AGBL4: variants seen among roughly 807,000 people sequenced by gnomAD.
AGBL4 encodes AGBL carboxypeptidase 4.
Under a neutral mutation model 66.4 loss-of-function variants are expected in AGBL4, and 58 were observed. The ratio of observed to expected loss-of-function variants is 0.87; its 90% confidence interval spans 0.71 to 1.09. AGBL4 has a LOEUF of 1.09. Ranked by LOEUF, AGBL4 falls within the 50% of genes least tolerant of loss-of-function variation. AGBL4 has a pLI of 0.00. For synonymous variants in AGBL4, 234 were observed against 222.9 expected (o/e 1.05, Z -0.44); for missense variants, 579 against 631.0 (o/e 0.92, Z 0.88).
At chr1:49,721,298 T>G (rs1272409092) in intron 2 of AGBL4, among the ~76,000 whole-genome samples, 1 of 152,150 alleles carries the variant, frequency 6.6e-6, no homozygotes, top group African/African-American at 2.4e-5. Flanking sequence ...GTGGAAGCTT[T>G]GTTGTTTCAC....
intron 3 of AGBL4, among the ~76,000 whole-genome samples, chr1:49,291,823 G>A (rs1242692957): frequency 6.6e-6 from 1 of 152,188 alleles, no homozygotes; most frequent in African/African-American, 2.4e-5. Context: ...GAGGGAGCCA[G>A]GGACAAGTGG....
At chr1:49,916,181 C>A (rs1389087042) in intron 1 of AGBL4, among the ~76,000 whole-genome samples, 1 of 152,190 alleles carries the variant, frequency 6.6e-6, no homozygotes, top group Non-Finnish European at 1.5e-5. Flanking sequence ...GAGCGCCCCT[C>A]CCCTTCAAAA....
In AGBL4 at chr1:50,002,283, T is replaced by C. The variant is rs537248905; in HGVS notation, c.34+21480A>G. 4.6e-5 allele frequency among the ~76,000 whole-genome samples: 7 copies of C among 151,090 alleles called. No individual in the cohort carries two copies. In the South Asian group the frequency reaches 1.5e-3, roughly 32 times the overall value. On this transcript the variant is annotated intron_variant, in intron 1 of 13. Transcript: ENST00000371839. ...CTTATATAGCCAGTTTGGGAAAAGATACAATACCCCAGTGTTAGCTGAGAA... is the reference window on the plus strand; with the variant it reads ...CTTATATAGCCAGTTTGGGAAAAGACACAATACCCCAGTGTTAGCTGAGAA...
chr1:49,447,372 T>C (rs1646182756), intron 3 of AGBL4, among the ~76,000 whole-genome samples: 1 of 152,166 alleles, frequency 6.6e-6, no homozygotes, highest in South Asian at 2.1e-4. Context: ...TAATACTCCC[T>C]GCATCAGCTC....
At chr1:49,089,166 A>AGAG (rs1644959023) in intron 4 of AGBL4, among the ~76,000 whole-genome samples, 1 of 151,468 alleles carries the variant, frequency 6.6e-6, no homozygotes, top group African/African-American at 2.4e-5. Context: ...ATCTCAAGTT[A>AGAG]ACCACCTAAT....
At position 49,771,224 on chromosome 1, in the gene AGBL4, T is replaced by C. The variant is rs529468348; in HGVS notation, c.158-73787A>G. The stretch of plus-strand genomic sequence containing the variant: ...TTCCATTCTTGTTTGTCTCAAGTAA[T>C]TTTTAATTTACATTTTAATTTATTC... On this transcript the variant is annotated intron_variant, in intron 2 of 13. Coordinates refer to ENST00000371839, the MANE Select transcript of AGBL4 (RefSeq NM_032785.4). Among the ~76,000 whole-genome samples, 6 of 152,278 alleles carry C rather than the reference T, an allele frequency of 3.9e-5. No individual in the cohort carries two copies. In the South Asian group the frequency reaches 1.2e-3, roughly 32 times the overall value.
chr1:49,403,405 CT>C (rs1005730499), intron 3 of AGBL4, among the ~76,000 whole-genome samples: 5 of 152,072 alleles, frequency 3.3e-5, no homozygotes, highest in African/African-American at 4.8e-5. Context: ...ATCATTGGGT[CT>C]TTTTTCAACT....
At chr1:49,948,307 AATATATATAT>A (rs1196467417) in intron 1 of AGBL4, among the ~76,000 whole-genome samples, 1 of 110,042 alleles carries the variant, frequency 9.1e-6, no homozygotes, top group Non-Finnish European at 1.7e-5. Flanking sequence ...AATATATATA[AATATATATAT>A]AAATATATAA....
intron 6 of AGBL4, among the ~76,000 whole-genome samples, chr1:48,714,296 G>A (rs1300870798): frequency 6.6e-6 from 1 of 152,042 alleles, no homozygotes; most frequent in African/African-American, 2.4e-5. Context: ...ATTTCTCCAT[G>A]GCCCCTCCAC....
intron 5 of AGBL4, among the ~76,000 whole-genome samples, chr1:48,881,017 T>C (rs1649731895): frequency 6.6e-6 from 1 of 152,222 alleles, no homozygotes; most frequent in South Asian, 2.1e-4. Flanking sequence ...TATTTTGTTA[T>C]TATAAATGAC....
intron 8 of AGBL4, among the ~76,000 whole-genome samples, chr1:48,635,048 C>T (rs1645647423): frequency 6.6e-6 from 1 of 152,160 alleles, no homozygotes; most frequent in South Asian, 2.1e-4. Flanking sequence ...ACCTTTTTAC[C>T]ACTTCCTCTG....
intron 2 of AGBL4, among the ~76,000 whole-genome samples, chr1:49,843,710 G>C (rs1646061719): frequency 6.6e-6 from 1 of 152,148 alleles, no homozygotes; most frequent in Admixed American, 6.5e-5. Flanking sequence ...AGGTTCTATG[G>C]TTAAGATGTG....
At chr1:49,349,508 A>C (rs1252283026) in intron 3 of AGBL4, among the ~76,000 whole-genome samples, 1 of 152,072 alleles carries the variant, frequency 6.6e-6, no homozygotes, top group Non-Finnish European at 1.5e-5. Flanking sequence ...TCACCTTCTC[A>C]AGTGCCCCCT....
intron 3 of AGBL4, among the ~76,000 whole-genome samples, chr1:49,258,518 T>C (rs1452709679): frequency 1.3e-5 from 2 of 152,062 alleles, no homozygotes; most frequent in African/African-American, 4.8e-5. Flanking sequence ...TGCAGAAGCC[T>C]CAGGAGCCGA....
intron 2 of AGBL4, chr1:49,846,258 G>T: frequency 2.7e-6 from 4 of 1,472,188 alleles, no homozygotes; most frequent in Non-Finnish European, 3.8e-6. Flanking sequence ...CACGATTGTG[G>T]AAAGTCCTTT....
At chr1:49,426,503 TTAATAA>T (rs1481514129) in intron 3 of AGBL4, among the ~76,000 whole-genome samples, 1 of 152,106 alleles carries the variant, frequency 6.6e-6, no homozygotes, top group African/African-American at 2.4e-5. Flanking sequence ...GGCAATAATA[TTAATAA>T]TAATTAATAA....
intron 4 of AGBL4, among the ~76,000 whole-genome samples, chr1:49,103,599 T>C (rs1365802447): frequency 6.6e-6 from 1 of 152,146 alleles, no homozygotes; most frequent in Non-Finnish European, 1.5e-5. Flanking sequence ...CTCTATTCCC[T>C]GCTCCTAATC....
chr1:48,756,453 A>C (rs1643931083), intron 6 of AGBL4, among the ~76,000 whole-genome samples: 2 of 152,182 alleles, frequency 1.3e-5, no homozygotes, highest in African/African-American at 4.8e-5. Flanking sequence ...CAAGGGCTGT[A>C]TTGCAAATAT....
At chr1:49,724,654 G>T (rs571282224) in intron 2 of AGBL4, among the ~76,000 whole-genome samples, 10 of 152,210 alleles carry the variant, frequency 6.6e-5, no homozygotes, top group East Asian at 3.9e-4. Context: ...CCCCCAATTT[G>T]TCTGTACTTG....
Sources: allele counts gnomAD v4.1 joint callset (sites outside exome capture counted in the v4.1 genomes callset), GRCh38; gene constraint gnomAD v4.1.1; transcripts MANE v1.5; gene names NCBI Gene and HGNC (gene_info 2026-07-23, HGNC 2026-07-21).